KNTC1: variants seen among roughly 807,000 people sequenced by gnomAD.
KNTC1 encodes kinetochore-associated protein 1.
KNTC1 carries 253 observed loss-of-function variants against 314.4 expected under a neutral mutation model. The ratio of observed to expected loss-of-function variants is 0.80; its 90% CI spans 0.73 to 0.89. KNTC1 has a LOEUF of 0.89. Ranked by LOEUF, KNTC1 falls within the 40% of genes least tolerant of loss-of-function variation. The pLI, the probability that KNTC1 is intolerant of heterozygous loss-of-function variation, is 0.00. For synonymous variants in KNTC1, 901 were observed against 901.4 expected (o/e 1.00, Z 0.01); for missense variants, 2,475 against 2,572.9 (o/e 0.96, Z 0.82).
intron 59 of KNTC1, 178 bp from the exon 60 acceptor site, chr12:122,620,301 G>A: frequency 1.9e-6 from 1 of 519,418 alleles, no homozygotes; most frequent in South Asian, 2.4e-5. Flanking sequence ...CTTTTATTCT[G>A]TGTAGAGTGC....
rs1874554796 is a variant in KNTC1, at chr12:122,622,549, C to T, written c.6457C>T (p.His2153Tyr). ...CAAATACTTTCAAATGTTGAAGATGCATGCGATGAATACCAACAATATCAC... is the reference window on the plus strand; with the variant it reads ...CAAATACTTTCAAATGTTGAAGATGTATGCGATGAATACCAACAATATCAC... ...KTKYFQMLKM[H>Y]AMNTNNITEL... is the part of the protein sequence containing the mutation. The change falls in exon 62 of 64, where the codon CAT becomes TAT. Residue 2153 changes from histidine to tyrosine, a missense_variant. Coordinates refer to ENST00000333479, the MANE Select transcript of KNTC1 (RefSeq NM_014708.6). The T allele has an allele frequency of 6.4e-7, 1 of 1,573,672 alleles. No homozygotes were observed. The highest frequency in any genetic ancestry group is 8.6e-7 in the Non-Finnish European group (1 of 1,158,030).
At chr12:122,542,909 T>TTTTA (rs1962456922) in intron 6 of KNTC1, among the ~76,000 whole-genome samples, 1 of 152,112 alleles carries the variant, frequency 6.6e-6, no homozygotes, top group African/African-American at 2.4e-5. Context: ...ATTTTATTAT[T>TTTTA]TTTATTTATT....
chr12:122,548,104 C>T, intron 12 of KNTC1, 135 bp downstream of exon 12: 1 of 533,826 alleles, frequency 1.9e-6, no homozygotes, highest in Non-Finnish European at 3.2e-6. Flanking sequence ...AGAAATAAAC[C>T]TGCAGAACTC....
At chr12:122,569,906 C>A in intron 22 of KNTC1, 82 bp downstream of exon 22, 2 of 1,114,780 alleles carry the variant, frequency 1.8e-6, no homozygotes, top group Non-Finnish European at 2.6e-6. Flanking sequence ...GTCACGTTAA[C>A]ACCAGTTAAC....
intron 29 of KNTC1, among the ~76,000 whole-genome samples, 162 bp downstream of exon 29, chr12:122,576,061 A>C (rs1394739686): frequency 2.0e-5 from 3 of 151,860 alleles, no homozygotes; most frequent in Non-Finnish European, 4.4e-5. Context: ...TATTTATGAG[A>C]GTATTTATTC....
intron 18 of KNTC1, among the ~76,000 whole-genome samples, chr12:122,558,804 A>G (rs1565954510): frequency 6.6e-6 from 1 of 152,112 alleles, no homozygotes; most frequent in Non-Finnish European, 1.5e-5. Flanking sequence ...TGAACCTGGT[A>G]GGCAGAGGTT....
intron 16 of KNTC1, 26 bp from the exon 17 acceptor site, chr12:122,557,358 C>A (rs2137817455): frequency 6.3e-7 from 1 of 1,597,402 alleles, no homozygotes; most frequent in Middle Eastern, 1.7e-4. Context: ...CTTCAAATTG[C>A]TTGATGTGGC....
At chr12:122,589,776 ATTTTTTTTTTT>A (rs375169727) in intron 40 of KNTC1, among the ~76,000 whole-genome samples, 2 of 94,594 alleles carry the variant, frequency 2.1e-5, no homozygotes, top group Non-Finnish European at 3.9e-5. Context: ...GGGCCCCCCA[ATTTTTTTTTTT>A]TTTTTTTTTT....
chr12:122,603,290 A>T lies in KNTC1; in HGVS notation c.5101+47A>T. On this transcript the variant is annotated intron_variant, in intron 48 of 63. Transcript: ENST00000333479. ...TTGTAGTTAAAAAAAAAAAAAAAGT[A>T]CTCTTTTTGCATCTTTAAGGAGAAG... 1.7e-6 allele frequency: 2 copies of T among 1,186,046 alleles called. 1 individual carries two copies. 73.5% of individuals were successfully genotyped at this position (1,186,046 alleles called of 1,614,324 possible). A position where few individuals can be genotyped will look rare whatever the true frequency, so the allele number is the denominator to read the frequency against.
intron 44 of KNTC1, among the ~76,000 whole-genome samples, chr12:122,598,509 G>A (rs1593650847): frequency 7.4e-6 from 1 of 136,040 alleles, no homozygotes; most frequent in Non-Finnish European, 1.5e-5. Flanking sequence ...CAGCCTCTAT[G>A]TCCTGGGCTC....
intron 32 of KNTC1, among the ~76,000 whole-genome samples, 197 bp downstream of exon 32, chr12:122,580,174 T>A (rs1334491756): frequency 6.6e-6 from 1 of 152,228 alleles, no homozygotes; most frequent in Non-Finnish European, 1.5e-5. Flanking sequence ...GCATGCAAAA[T>A]CAACCTATCA....
intron 57 of KNTC1, 78 bp from the exon 58 acceptor site, chr12:122,618,265 C>T (rs1053340699): frequency 1.6e-5 from 21 of 1,297,392 alleles, no homozygotes; most frequent in Non-Finnish European, 2.3e-5. Flanking sequence ...AGCCACCGCG[C>T]CTGGCCTAGA....
At chr12:122,613,909 C>T in intron 55 of KNTC1, 148 bp downstream of exon 55, 1 of 715,088 alleles carries the variant, frequency 1.4e-6, no homozygotes, top group Non-Finnish European at 2.0e-6. Flanking sequence ...GGTGTGATCT[C>T]AGCTCACTGC....
intron 3 of KNTC1, among the ~76,000 whole-genome samples, chr12:122,536,069 A>ATT (rs753893106): frequency 2.5e-5 from 3 of 118,576 alleles, no homozygotes; most frequent in Admixed American, 8.5e-5. Flanking sequence ...AATTTTTTGT[A>ATT]TTTTTTTTTT....
chr12:122,597,738 C>G lies in KNTC1; in HGVS notation c.4363C>G (p.Gln1455Glu), dbSNP rs73407858. ...SLILEYCSTF[Q>E]LDCDAVLQLF... ...ATTGAATGCTTCTTTTAGCACATTTCAGTTGGACTGCGATGCAGTTCTTCA... is the reference window on the plus strand; with the variant it reads ...ATTGAATGCTTCTTTTAGCACATTTGAGTTGGACTGCGATGCAGTTCTTCA... The change falls in exon 44 of 64, where the codon CAG becomes GAG. Residue 1455 changes from glutamine to glutamate, a missense_variant. Physicochemically the swap from Gln to Glu is conservative, Grantham distance 29. Transcript: ENST00000333479. 1.9e-3 allele frequency: 3,073 copies of G among 1,613,636 alleles called. 28 individuals are homozygous for G. In the African/African-American group the frequency reaches 0.032, roughly 17 times the overall value.
chr12:122,586,818 AT>A lies in KNTC1; in HGVS notation c.3730+65del, dbSNP rs1565988961. ...TATTTATTTATTTATTTATTTATTT[AT>A]TTTATTTTTTTGAGACAGAGTCTTG... is the stretch of plus-strand genomic sequence containing the variant. On this transcript the variant is annotated intron_variant, in intron 38 of 63. Transcript: ENST00000333479. 2.7e-4 allele frequency: 145 copies of A among 527,764 alleles called. 3 individuals are homozygous for A. Among genetic ancestry groups the A allele is most frequent in the African/African-American group, 1.5e-3 (74 of 48,560 alleles). The allele number at this position is 527,764 out of a possible 1,614,324, so 32.7% of individuals were successfully genotyped here.
intron 62 of KNTC1, among the ~76,000 whole-genome samples, chr12:122,624,163 A>T (rs1392961075): frequency 1.3e-5 from 2 of 152,204 alleles, no homozygotes; most frequent in African/African-American, 4.8e-5. Flanking sequence ...GAGACTACCC[A>T]GTCTATGTAT....
At chr12:122,574,002 T>C (rs1964868833) in intron 26 of KNTC1, among the ~76,000 whole-genome samples, 1 of 152,222 alleles carries the variant, frequency 6.6e-6, no homozygotes, top group Non-Finnish European at 1.5e-5. Flanking sequence ...CAGTTATTTC[T>C]TGTGGATGTT....
chr12:122,528,841 T>C (rs1961045115), intron 1 of KNTC1, among the ~76,000 whole-genome samples: 2 of 149,052 alleles, frequency 1.3e-5, no homozygotes, highest in Non-Finnish European at 3.0e-5. Flanking sequence ...GCAAACTGTA[T>C]ATATATATTT....
Sources: gnomAD v4.1 joint callset for allele counts (sites outside exome capture counted in the v4.1 genomes callset) on GRCh38, gnomAD v4.1.1 for gene constraint, MANE v1.5 for transcripts, NCBI Gene and HGNC (gene_info 2026-07-23, HGNC 2026-07-21) for gene names.